The following NTM variants were observed in gnomAD, a reference collection of about 807,000 sequenced individuals.
NTM encodes neurotrimin, also known as IgLON family member 2.
NTM carries 13 observed loss-of-function variants against 42.1 expected under a neutral mutation model. The observed-to-expected ratio is 0.31, with a 90% CI of 0.20 to 0.49. NTM has a LOEUF of 0.49. Ranked by LOEUF, NTM falls within the 20% of genes least tolerant of loss-of-function variation. The pLI is 0.99. For missense variants in NTM, 373 were observed against 452.8 expected (o/e 0.82, Z 1.60); for synonymous variants, 187 against 179.2 (o/e 1.04, Z -0.35).
At chr11:132,172,856 T>A (rs2076298431) in intron 3 of NTM, among the ~76,000 whole-genome samples, 1 of 152,238 alleles carries the variant, frequency 6.6e-6, no homozygotes, top group South Asian at 2.1e-4. Context: ...TTTTGCCATG[T>A]GTGATTGGTG....
At chr11:131,638,506 T>C (rs1461417260) in intron 1 of NTM, among the ~76,000 whole-genome samples, 2 of 137,052 alleles carry the variant, frequency 1.5e-5, no homozygotes, top group Non-Finnish European at 3.0e-5. Flanking sequence ...GCGGAGGTTG[T>C]GGTGAGCTGA....
chr11:131,681,896 T>C (rs1431310240), intron 1 of NTM, among the ~76,000 whole-genome samples: 1 of 151,712 alleles, frequency 6.6e-6, no homozygotes, highest in Non-Finnish European at 1.5e-5. Context: ...TCTCCTTGCG[T>C]GTGTCTGTGT....
intron 2 of NTM, among the ~76,000 whole-genome samples, chr11:132,045,084 A>T (rs2077800696): frequency 6.6e-6 from 1 of 152,190 alleles, no homozygotes; most frequent in East Asian, 1.9e-4. Context: ...AAAAAAGAAA[A>T]TGTCAGGCCA....
At chr11:131,702,666 C>T (rs2076194598) in intron 1 of NTM, among the ~76,000 whole-genome samples, 1 of 152,118 alleles carries the variant, frequency 6.6e-6, no homozygotes, top group Admixed American at 6.5e-5. Context: ...CCATGCTTTC[C>T]CAAGTGACTA....
chr11:131,713,863 T>C (rs2077414319), intron 1 of NTM, among the ~76,000 whole-genome samples: 1 of 152,176 alleles, frequency 6.6e-6, no homozygotes. Flanking sequence ...TGAAAGGAAG[T>C]AAAGTACATT....
intron 7 of NTM, among the ~76,000 whole-genome samples, chr11:132,322,052 T>C (rs562980542): frequency 2.0e-5 from 3 of 151,762 alleles, no homozygotes; most frequent in East Asian, 1.9e-4. Context: ...AAGGAACAAC[T>C]GGTACCATCC....
At chr11:132,004,499 A>G (rs1424288230) in intron 2 of NTM, among the ~76,000 whole-genome samples, 1 of 151,914 alleles carries the variant, frequency 6.6e-6, no homozygotes, top group Non-Finnish European at 1.5e-5. Context: ...TCTTTGTGCT[A>G]CTTTATTGTC....
intron 1 of NTM, among the ~76,000 whole-genome samples, chr11:131,623,923 G>C (rs764682820): frequency 6.6e-6 from 1 of 152,222 alleles, no homozygotes; most frequent in Non-Finnish European, 1.5e-5. Flanking sequence ...GGCCTACCCT[G>C]GCCGCTCCGA....
intron 1 of NTM, among the ~76,000 whole-genome samples, chr11:131,829,539 G>C (rs2136516104): frequency 6.6e-6 from 1 of 152,254 alleles, no homozygotes; most frequent in Non-Finnish European, 1.5e-5. Context: ...CTATGGCATA[G>C]TATTCCATGG....
intron 1 of NTM, among the ~76,000 whole-genome samples, chr11:131,873,188 A>C (rs2047978216): frequency 6.6e-6 from 1 of 152,214 alleles, no homozygotes; most frequent in Non-Finnish European, 1.5e-5. Context: ...AGCCATAAAA[A>C]TAATGAGTTC....
chr11:131,693,410 G>T (rs532386186), intron 1 of NTM, among the ~76,000 whole-genome samples: 2 of 152,090 alleles, frequency 1.3e-5, no homozygotes, highest in African/African-American at 4.8e-5. Flanking sequence ...GAGTTAAATC[G>T]CCAGGATAAG....
chr11:132,076,307 G>T (rs1356311248), intron 2 of NTM, among the ~76,000 whole-genome samples: 1 of 152,172 alleles, frequency 6.6e-6, no homozygotes, highest in Non-Finnish European at 1.5e-5. Flanking sequence ...AATAAGCATG[G>T]CATCCCAATA....
At chr11:131,467,360 G>A (rs2136152015) in intron 1 of NTM, among the ~76,000 whole-genome samples, 1 of 152,250 alleles carries the variant, frequency 6.6e-6, no homozygotes, top group South Asian at 2.1e-4. Flanking sequence ...CATCAGTAGT[G>A]GTCAGGAGGG....
chr11:131,533,681 G>C (rs913804738), intron 1 of NTM, among the ~76,000 whole-genome samples: 2 of 152,178 alleles, frequency 1.3e-5, no homozygotes, highest in Non-Finnish European at 2.9e-5. Context: ...TATGCTTCCT[G>C]TGAAATAAGG....
chr11:132,091,356 C>T (rs1487023616), intron 2 of NTM, among the ~76,000 whole-genome samples: 1 of 151,792 alleles, frequency 6.6e-6, no homozygotes, highest in Non-Finnish European at 1.5e-5. Flanking sequence ...TGCAGTGAGC[C>T]AAGATCGTGC....
At chr11:131,550,450 G>A (rs936440698) in intron 1 of NTM, among the ~76,000 whole-genome samples, 5 of 152,194 alleles carry the variant, frequency 3.3e-5, no homozygotes, top group African/African-American at 1.2e-4. Context: ...CCCCCTTGGT[G>A]CTGTTCTTGG....
intron 2 of NTM, among the ~76,000 whole-genome samples, chr11:131,925,216 A>G (rs1417429474): frequency 6.6e-6 from 1 of 152,150 alleles, no homozygotes; most frequent in Non-Finnish European, 1.5e-5. Flanking sequence ...GCTGGAGGTC[A>G]CTTATTTAGT....
At chr11:131,575,335 A>G (rs934581458) in intron 1 of NTM, among the ~76,000 whole-genome samples, 1 of 152,210 alleles carries the variant, frequency 6.6e-6, no homozygotes, top group Non-Finnish European at 1.5e-5. Flanking sequence ...TTCCAAAAGT[A>G]CACTTACAGT....
intron 1 of NTM, among the ~76,000 whole-genome samples, chr11:131,851,404 AT>A (rs1459102867): frequency 6.6e-6 from 1 of 152,178 alleles, no homozygotes; most frequent in Non-Finnish European, 1.5e-5. Flanking sequence ...ATAGAAAAAA[AT>A]ATTTTAATAT....
Sources: allele counts gnomAD v4.1 joint callset (sites outside exome capture counted in the v4.1 genomes callset), GRCh38; gene constraint gnomAD v4.1.1; transcripts MANE v1.5; gene names NCBI Gene and HGNC (gene_info 2026-07-23, HGNC 2026-07-21).